Variants in DNAI2 observed in about 807,000 individuals in gnomAD.
The protein encoded by DNAI2 is dynein, axonemal, intermediate polypeptide 2.
In DNAI2, 63 loss-of-function variants were observed where a neutral mutation model predicts 74.7. That is an observed-to-expected ratio of 0.84 (90% CI 0.69 to 1.04). The LOEUF (loss-of-function observed/expected upper bound fraction) is 1.04. DNAI2 is among the 50% of genes least tolerant of loss of function. DNAI2 has a pLI of 0.00. For synonymous variants in DNAI2, 289 were observed against 314.9 expected (o/e 0.92, Z 0.87); for missense variants, 688 against 803.2 (o/e 0.86, Z 1.73).
At position 74,282,066 on chromosome 17, in the gene DNAI2, G is replaced by A. The variant is rs763322486; in HGVS notation, c.183+66G>A. ...CCAGGCAGGGCGGCCAGCTGGGGCC[G>A]GTGAGTGGTTCTGTGGGTCCTTGTC... is the stretch of plus-strand genomic sequence containing the variant. On this transcript the variant is annotated intron_variant, in intron 2 of 13. Coordinates refer to ENST00000311014, the MANE Select transcript of DNAI2 (RefSeq NM_023036.6). 299 of 1,584,744 alleles carry A rather than the reference G, an allele frequency of 1.9e-4. 2 individuals are homozygous for A. The highest frequency in any genetic ancestry group is 6.7e-4 in the Middle Eastern group (4 of 5,954).
intron 8 of DNAI2, among the ~76,000 whole-genome samples, chr17:74,304,186 C>CT (rs56696514): frequency 0.091 from 6,181 of 67,724 alleles, 837 homozygotes; most frequent in Non-Finnish European, 0.12. Flanking sequence ...TTTCTTTTTT[C>CT]TTTTTTTTTT....
rs1001265292 is a variant in DNAI2, at chr17:74,304,076, C to T, written c.988-1143C>T. On this transcript the variant is annotated intron_variant, in intron 8 of 13. Coordinates refer to ENST00000311014, the MANE Select transcript of DNAI2 (RefSeq NM_023036.6). ...GGTCAAGGATGCAGTGAGCTGAGAT[C>T]GCACTGCTGCACTCCAGCCTGGGCA... 2.6e-5 allele frequency among the ~76,000 whole-genome samples: 4 copies of T among 151,670 alleles called. No homozygotes were observed. In the East Asian group the frequency reaches 7.7e-4, roughly 29 times the overall value.
intron 1 of DNAI2, among the ~76,000 whole-genome samples, chr17:74,278,012 A>G (rs189797051): frequency 1.8e-4 from 27 of 152,372 alleles, no homozygotes; most frequent in African/African-American, 6.2e-4. Context: ...AAAGCCCTGC[A>G]GGTGTTTCTA....
intron 12 of DNAI2, 105 bp downstream of exon 12, chr17:74,312,335 G>A (rs889052265): frequency 1.2e-6 from 1 of 828,038 alleles, no homozygotes; most frequent in Non-Finnish European, 1.9e-6. Context: ...TGAGCAAGTA[G>A]TCTTACCTGC....
chr17:74,310,459 CT>C (rs1401400165), intron 11 of DNAI2, among the ~76,000 whole-genome samples: 328 of 143,650 alleles, frequency 2.3e-3, no homozygotes, highest in African/African-American at 4.6e-3. Flanking sequence ...TCAAATAACA[CT>C]TTTTTTTTTT....
In DNAI2 at chr17:74,304,186, C is replaced by CTTTTTTTTT. The variant is rs56696514; in HGVS notation, c.988-1015_988-1007dup. 2.8e-3 allele frequency among the ~76,000 whole-genome samples: 192 copies of CTTTTTTTTT among 67,660 alleles called. 3 individuals carry two copies. The highest frequency in any genetic ancestry group is 4.8e-3 in the African/African-American group (82 of 17,226). The allele number at this position is 67,660 out of a possible 152,430, so 44.4% of individuals were successfully genotyped here. A position where few individuals can be genotyped will look rare whatever the true frequency, so the allele number is the denominator to read the frequency against. On this transcript the variant is annotated intron_variant, in intron 8 of 13. Coordinates refer to ENST00000311014, the MANE Select transcript of DNAI2 (RefSeq NM_023036.6). ...CTTTTCTTTTTTCTTTTTCTTTTTT[C>CTTTTTTTTT]TTTTTTTTTTTTTTTTTTTTTTTTT...
chr17:74,289,336 A>G (rs2051938994), intron 4 of DNAI2, among the ~76,000 whole-genome samples: 2 of 152,168 alleles, frequency 1.3e-5, no homozygotes, highest in South Asian at 2.1e-4. Flanking sequence ...AGACCAGCCT[A>G]GGAAACATGG....
chr17:74,299,743 C>A lies in DNAI2; in HGVS notation c.750C>A (p.Ser250Arg). 6.2e-7 allele frequency: 1 copy of A among 1,613,538 alleles called. No homozygotes were observed. The highest frequency in any genetic ancestry group is 1.1e-5 in the South Asian group (1 of 91,062). Residue 250 changes from serine (S) to arginine (R), a missense_variant, in exon 7 of 14, where the codon AGC (serine) becomes AGA (arginine). Ser to Arg is a moderately radical substitution (Grantham distance 110). Transcript: ENST00000311014. ...QIACWDTRKG[S>R]LVAELSTIES... ...CCTGCTGGGACACCCGAAAGGGCAG[C>A]CTGGTGGCGGAGCTATCCACCATTG...
intron 9 of DNAI2, 139 bp from the exon 10 acceptor site, chr17:74,309,114 C>A: frequency 1.1e-6 from 1 of 877,066 alleles, no homozygotes; most frequent in Non-Finnish European, 1.8e-6. Context: ...GAGGTCAGCA[C>A]AGCTAGAAGT....
At chr17:74,290,543 G>A (rs1341149629) in intron 5 of DNAI2, among the ~76,000 whole-genome samples, 4 of 152,156 alleles carry the variant, frequency 2.6e-5, no homozygotes. Context: ...TCCCTTCGTT[G>A]TCAGCATTAT....
chr17:74,280,867 A>T (rs1375161737), intron 1 of DNAI2, among the ~76,000 whole-genome samples: 1 of 152,044 alleles, frequency 6.6e-6, no homozygotes, highest in Non-Finnish European at 1.5e-5. Flanking sequence ...CAGGTGGATC[A>T]CTTGAGCCCA....
At chr17:74,293,015 A>C (rs989950646) in intron 6 of DNAI2, among the ~76,000 whole-genome samples, 2 of 151,444 alleles carry the variant, frequency 1.3e-5, no homozygotes, top group African/African-American at 4.9e-5. Context: ...ATTTTTTTTT[A>C]GTAGAGACGG....
Position 74,314,696 on chromosome 17 carries a change from G to A in DNAI2, c.*163G>A. On this transcript the variant is annotated 3_prime_UTR_variant, in exon 14 of 14. Coordinates refer to ENST00000311014, the MANE Select transcript of DNAI2 (RefSeq NM_023036.6). The stretch of plus-strand genomic sequence containing the variant: ...CCCTCCTCGTCCACCTACAAATCAG[G>A]AACAGAAAGTCTGTCCACTTTGAAA... The A allele has an allele frequency of 4.8e-6, 1 of 210,086 alleles. No homozygotes were observed. The highest frequency in any genetic ancestry group is 9.9e-6 in the Non-Finnish European group (1 of 101,406). 13.0% of individuals were successfully genotyped at this position (210,086 alleles called of 1,614,324 possible). A position where few individuals can be genotyped will look rare whatever the true frequency, so the allele number is the denominator to read the frequency against.
intron 6 of DNAI2, among the ~76,000 whole-genome samples, chr17:74,299,499 G>A (rs1156898064): frequency 2.0e-5 from 3 of 152,112 alleles, no homozygotes; most frequent in Non-Finnish European, 4.4e-5. Flanking sequence ...ATGCCTGGGA[G>A]GGGCTCAAGG....
chr17:74,289,184 T>C (rs2143937539), intron 4 of DNAI2, among the ~76,000 whole-genome samples: 1 of 152,312 alleles, frequency 6.6e-6, no homozygotes, highest in Non-Finnish European at 1.5e-5. Flanking sequence ...CCAGCCCTGC[T>C]GGGCTCTAAC....
intron 4 of DNAI2, among the ~76,000 whole-genome samples, chr17:74,287,531 C>T (rs371965225): frequency 3.3e-5 from 5 of 152,230 alleles, no homozygotes; most frequent in African/African-American, 9.6e-5. Flanking sequence ...GTGAAATCAC[C>T]GCAGGCGTGG....
intron 3 of DNAI2, 53 bp downstream of exon 3, chr17:74,285,254 C>T (rs1162205312): frequency 6.3e-7 from 1 of 1,594,356 alleles, no homozygotes; most frequent in South Asian, 1.1e-5. Flanking sequence ...ACTGCAGCTC[C>T]CCAAGGGATG....
At chr17:74,301,014 C>T (rs376934195) in intron 7 of DNAI2, 32 bp from the exon 8 acceptor site, 8 of 1,612,604 alleles carry the variant, frequency 5.0e-6, no homozygotes, top group South Asian at 1.1e-5. Context: ...TACAGGGCCT[C>T]GAAGTCTCAC....
At chr17:74,309,531 G>T in intron 10 of DNAI2, 143 bp downstream of exon 10, 3 of 1,185,766 alleles carry the variant, frequency 2.5e-6, no homozygotes, top group South Asian at 2.6e-5. Context: ...TGTGCAGGCT[G>T]ACTGCAGCGA....
Sources: gnomAD v4.1 joint callset for allele counts (sites outside exome capture counted in the v4.1 genomes callset) on GRCh38, gnomAD v4.1.1 for gene constraint, MANE v1.5 for transcripts, NCBI Gene and HGNC (gene_info 2026-07-23, HGNC 2026-07-21) for gene names.